The following ACOXL variants were observed in gnomAD, a reference collection of about 807,000 sequenced individuals.
ACOXL encodes acyl-coenzyme A oxidase-like protein.
ACOXL carries 70 observed loss-of-function variants against 71.9 expected under a neutral mutation model. The ratio of observed to expected loss-of-function variants is 0.97; its 90% confidence interval spans 0.80 to 1.19. The LOEUF (loss-of-function observed/expected upper bound fraction) is 1.19, where lower values mean the gene tolerates loss of function less well. ACOXL is among the 50% of genes most tolerant of loss of function. The pLI, the probability that ACOXL is intolerant of heterozygous loss-of-function variation, is 0.00. For missense variants in ACOXL, 703 were observed against 736.3 expected (o/e 0.95, Z 0.52); for synonymous variants, 253 against 281.6 (o/e 0.90, Z 1.02).
intron 14 of ACOXL, among the ~76,000 whole-genome samples, chr2:111,003,499 C>T (rs1413974905): frequency 1.6e-5 from 2 of 128,182 alleles, no homozygotes; most frequent in East Asian, 2.3e-4. Flanking sequence ...TGCAGCGAAC[C>T]GAGATTGCAC....
At chr2:110,746,733 A>G (rs575233995) in intron 1 of ACOXL, among the ~76,000 whole-genome samples, 1 of 152,276 alleles carries the variant, frequency 6.6e-6, no homozygotes, top group East Asian at 1.9e-4. Flanking sequence ...TAGGTCAGCG[A>G]ACTACCGAAG....
At chr2:110,974,746 C>T (rs1311150800) in intron 12 of ACOXL, among the ~76,000 whole-genome samples, 1 of 152,162 alleles carries the variant, frequency 6.6e-6, no homozygotes, top group East Asian at 1.9e-4. Flanking sequence ...TGGAACTGCC[C>T]ATGGCAAGAT....
At chr2:110,792,414 G>A (rs1445612732) in intron 3 of ACOXL, among the ~76,000 whole-genome samples, 2 of 152,154 alleles carry the variant, frequency 1.3e-5, no homozygotes, top group African/African-American at 2.4e-5. Context: ...GCCTCTTCCT[G>A]TTTCTTCTCC....
intron 12 of ACOXL, chr2:110,968,460 C>T (rs959176463): frequency 4.3e-5 from 54 of 1,243,770 alleles, no homozygotes; most frequent in Non-Finnish European, 5.9e-5. Flanking sequence ...ATTACCTGTG[C>T]TACTTAATGG....
In ACOXL at chr2:110,995,879, T is replaced by G; in HGVS notation, c.1170-14T>G. 6.2e-7 allele frequency: 1 copy of G among 1,602,430 alleles called. No homozygotes were observed. The highest frequency in any genetic ancestry group is 1.1e-5 in the South Asian group (1 of 90,852). On this transcript the variant is annotated splice_polypyrimidine_tract_variant and intron_variant, in intron 13 of 17. Transcript: ENST00000439055. ...GCCAAAATAATAATGATGGTCACCG[T>G]GATTTTCTTTCAGTTTCCTGGCATT... is the stretch of plus-strand genomic sequence containing the variant.
At chr2:110,991,195 G>A (rs188575727) in intron 13 of ACOXL, among the ~76,000 whole-genome samples, 152 of 152,220 alleles carry the variant, frequency 1.0e-3, no homozygotes, top group Non-Finnish European at 1.2e-3. Flanking sequence ...ATTGGTATAA[G>A]TTTTTATGTG....
At chr2:110,869,429 AC>A (rs1352770320) in intron 10 of ACOXL, among the ~76,000 whole-genome samples, 1 of 152,044 alleles carries the variant, frequency 6.6e-6, no homozygotes, top group Non-Finnish European at 1.5e-5. Context: ...ATGTAGTTTC[AC>A]CTTTTGTTTA....
intron 1 of ACOXL, among the ~76,000 whole-genome samples, chr2:110,738,120 C>A (rs1559200707): frequency 6.6e-6 from 1 of 152,160 alleles, no homozygotes. Context: ...GCTGCCATTG[C>A]TATGAGGAAG....
chr2:110,841,209 A>T (rs1691134740), intron 9 of ACOXL, among the ~76,000 whole-genome samples, 162 bp from the exon 10 acceptor site: 1 of 152,232 alleles, frequency 6.6e-6, no homozygotes, highest in Non-Finnish European at 1.5e-5. Context: ...CTAAGTTGAA[A>T]CTAAATATCT....
chr2:110,783,577 TATC>T (rs1436232942), intron 2 of ACOXL, among the ~76,000 whole-genome samples: 1 of 152,102 alleles, frequency 6.6e-6, no homozygotes, highest in African/African-American at 2.4e-5. Context: ...GAAGGTTAGT[TATC>T]ATCCTGCTGC....
At chr2:110,830,152 T>C (rs1436979701) in intron 9 of ACOXL, among the ~76,000 whole-genome samples, 2 of 152,236 alleles carry the variant, frequency 1.3e-5, no homozygotes, top group African/African-American at 4.8e-5. Context: ...AAATAATTAT[T>C]CACTAATATC....
intron 11 of ACOXL, among the ~76,000 whole-genome samples, chr2:110,931,149 C>T (rs1482799264): frequency 5.9e-5 from 9 of 152,156 alleles, no homozygotes; most frequent in Admixed American, 5.9e-4. Context: ...AGACATACTC[C>T]TCCTGTACTC....
intron 1 of ACOXL, among the ~76,000 whole-genome samples, chr2:110,736,953 C>T (rs1041188037): frequency 1.3e-5 from 2 of 152,138 alleles, no homozygotes; most frequent in African/African-American, 4.8e-5. Flanking sequence ...TGTTGATAGA[C>T]ATTTGGCCCC....
At chr2:110,916,469 A>C (rs2059864279) in intron 11 of ACOXL, among the ~76,000 whole-genome samples, 2 of 152,302 alleles carry the variant, frequency 1.3e-5, no homozygotes, top group African/African-American at 4.8e-5. Context: ...GAAAGATCTA[A>C]AATCGACACA....
chr2:111,105,711 C>T (rs1035409218), intron 17 of ACOXL, among the ~76,000 whole-genome samples: 2 of 151,992 alleles, frequency 1.3e-5, no homozygotes, highest in African/African-American at 4.8e-5. Context: ...TTTTATCCTA[C>T]GATCTTGCTC....
At chr2:110,762,978 CAA>C (rs1425326000) in intron 1 of ACOXL, among the ~76,000 whole-genome samples, 2 of 152,140 alleles carry the variant, frequency 1.3e-5, no homozygotes, top group Non-Finnish European at 2.9e-5. Flanking sequence ...AGTATTTCTT[CAA>C]CCTACATTGA....
intron 12 of ACOXL, among the ~76,000 whole-genome samples, chr2:110,984,917 C>T (rs1002140035): frequency 2.0e-5 from 3 of 152,168 alleles, no homozygotes; most frequent in Non-Finnish European, 4.4e-5. Flanking sequence ...TTCCAGGCTG[C>T]CGGAAGACAG....
At chr2:111,043,698 A>G (rs1389702002) in intron 15 of ACOXL, among the ~76,000 whole-genome samples, 2 of 152,142 alleles carry the variant, frequency 1.3e-5, no homozygotes, top group Admixed American at 6.5e-5. Context: ...GGTGCCAGGG[A>G]AGCCTCAGTA....
intron 12 of ACOXL, among the ~76,000 whole-genome samples, chr2:110,937,573 G>A (rs2060711389): frequency 6.6e-6 from 1 of 152,144 alleles, no homozygotes; most frequent in Non-Finnish European, 1.5e-5. Context: ...AATATTTGTT[G>A]AAAGAAAAGA....
Sources: allele counts gnomAD v4.1 joint callset (sites outside exome capture counted in the v4.1 genomes callset), GRCh38; gene constraint gnomAD v4.1.1; transcripts MANE v1.5; gene names NCBI Gene and HGNC (gene_info 2026-07-23, HGNC 2026-07-21).